BMPER: variants seen among roughly 807,000 people sequenced by gnomAD.
BMPER encodes BMP-binding endothelial regulator protein.
Under a neutral mutation model 87.3 loss-of-function variants are expected in BMPER, and 45 were observed. The observed-to-expected ratio is 0.52, with a 90% CI of 0.41 to 0.66. The LOEUF (loss-of-function observed/expected upper bound fraction) is 0.66, where lower values mean the gene tolerates loss of function less well. Among genes scored for constraint, BMPER ranks in the 30% least tolerant of loss-of-function variants. The pLI is 0.00. For missense variants in BMPER, 784 were observed against 867.5 expected, an observed-to-expected ratio of 0.90 and a Z score of 1.21; for synonymous variants, 326 against 316.2, an observed-to-expected ratio of 1.03 and a Z score of -0.33.
chr7:33,925,745 G>A (rs1784342336), intron 2 of BMPER, among the ~76,000 whole-genome samples: 1 of 152,112 alleles, frequency 6.6e-6, no homozygotes. Context: ...GCCAAGTGAG[G>A]TTGCTACACT....
At chr7:34,113,409 C>T (rs1170461464) in intron 13 of BMPER, among the ~76,000 whole-genome samples, 1 of 151,944 alleles carries the variant, frequency 6.6e-6, no homozygotes, top group Non-Finnish European at 1.5e-5. Context: ...ATGGGGCTGA[C>T]TTGCCCCTAG....
intron 6 of BMPER, among the ~76,000 whole-genome samples, chr7:33,999,104 CACCATT>C (rs1484664426): frequency 1.3e-5 from 2 of 152,268 alleles, no homozygotes; most frequent in African/African-American, 2.4e-5. Flanking sequence ...GGGTGCTTCG[CACCATT>C]CTCTTACATG....
chr7:33,947,706 G>A (rs1430572736), intron 3 of BMPER, among the ~76,000 whole-genome samples: 1 of 152,162 alleles, frequency 6.6e-6, no homozygotes, highest in Non-Finnish European at 1.5e-5. Context: ...CATGTCTGTA[G>A]ACCAATTACT....
At chr7:33,964,348 GT>G (rs1229065100) in intron 3 of BMPER, among the ~76,000 whole-genome samples, 1 of 152,126 alleles carries the variant, frequency 6.6e-6, no homozygotes, top group Non-Finnish European at 1.5e-5. Context: ...ATGTTTTGGA[GT>G]CTATTTAGTC....
intron 11 of BMPER, among the ~76,000 whole-genome samples, chr7:34,066,384 T>C (rs540906656): frequency 1.3e-5 from 2 of 152,348 alleles, no homozygotes; most frequent in Admixed American, 1.3e-4. Context: ...TGCTGTCTTT[T>C]CATAACATGG....
intron 13 of BMPER, among the ~76,000 whole-genome samples, chr7:34,140,774 A>G (rs1346466203): frequency 6.6e-6 from 1 of 152,244 alleles, no homozygotes; most frequent in African/African-American, 2.4e-5. Context: ...AACAAATTAC[A>G]TTTTATTTGT....
intron 9 of BMPER, among the ~76,000 whole-genome samples, chr7:34,057,316 A>G (rs1788312159): frequency 6.6e-6 from 1 of 152,168 alleles, no homozygotes; most frequent in Non-Finnish European, 1.5e-5. Flanking sequence ...TTTTTGTGGT[A>G]TTTGGCATTC....
rs148107757 is a variant in BMPER at position 34,153,110 on chromosome 7, G to C, written c.1895G>C (p.Gly632Ala). The C allele has an allele frequency of 6.2e-6, 10 of 1,613,890 alleles. No homozygotes were observed. The highest frequency in any genetic ancestry group is 8.5e-6 in the Non-Finnish European group (10 of 1,179,930). The change falls in exon 15 of 15, where the codon GGT becomes GCT. Residue 632 changes from glycine to alanine, a missense_variant. Gly to Ala is a moderately conservative substitution (Grantham distance 60). Coordinates refer to ENST00000649409, the MANE Select transcript of BMPER (RefSeq NM_001365308.1). ...TTTTCAGCCACCCAGTGTAAGCATG[G>C]TGCTGTGTACGATACCTGTGGTCCG... ...QNCAATQCKH[G>A]AVYDTCGPGC... is the part of the protein sequence containing the mutation.
At chr7:33,954,478 T>C (rs1172303892) in intron 3 of BMPER, among the ~76,000 whole-genome samples, 1 of 152,176 alleles carries the variant, frequency 6.6e-6, no homozygotes, top group Non-Finnish European at 1.5e-5. Flanking sequence ...ATGACCACGG[T>C]GGAAGTATTC....
At chr7:34,069,088 A>G (rs1180494610) in intron 11 of BMPER, among the ~76,000 whole-genome samples, 1 of 152,250 alleles carries the variant, frequency 6.6e-6, no homozygotes, top group Admixed American at 6.5e-5. Context: ...ATTCATTATT[A>G]GACATCTGGT....
At chr7:34,131,288 G>A (rs953753512) in intron 13 of BMPER, among the ~76,000 whole-genome samples, 11 of 151,988 alleles carry the variant, frequency 7.2e-5, no homozygotes, top group Non-Finnish European at 1.0e-4. Context: ...GCTATCCCTC[G>A]GCAGCCAAGG....
At position 34,057,684 on chromosome 7, in the gene BMPER, G is replaced by C. The variant is rs143548788; in HGVS notation, c.928-375G>C. Among the ~76,000 whole-genome samples, 646 of 152,284 alleles carry C rather than the reference G, an allele frequency of 4.2e-3. 4 individuals carry two copies. Among genetic ancestry groups the C allele is most frequent in the African/African-American group, 0.014 (598 of 41,562 alleles). ...TAAATATTTTAGTCTTATCAAACGG[G>C]AAAATTAGATTTCTGTCATTGTATC... On this transcript the variant is annotated intron_variant, in intron 9 of 14. Coordinates refer to ENST00000649409, the MANE Select transcript of BMPER (RefSeq NM_001365308.1).
intron 3 of BMPER, among the ~76,000 whole-genome samples, chr7:33,955,276 G>A (rs1351298968): frequency 6.6e-6 from 1 of 152,196 alleles, no homozygotes; most frequent in Non-Finnish European, 1.5e-5. Flanking sequence ...TGCTTCAAAT[G>A]TAACAAAGAA....
chr7:33,904,916 G>A, upstream of BMPER: 1 of 152,684 alleles, frequency 6.5e-6, no homozygotes, highest in Non-Finnish European at 1.5e-5. This position sits in a 1 kb window ranked among gnomAD's most constrained non-coding sequence, Gnocchi z 5.4. Context: ...CGCCCGGACA[G>A]TGGAGACGCG....
chr7:34,037,346 A>G (rs1046115405), intron 6 of BMPER, among the ~76,000 whole-genome samples: 4 of 152,290 alleles, frequency 2.6e-5, no homozygotes, highest in South Asian at 2.1e-4. Flanking sequence ...CACTGTCTCT[A>G]TAGCCAGGCT....
At chr7:34,021,803 C>G (rs1468106747) in intron 6 of BMPER, among the ~76,000 whole-genome samples, 1 of 152,010 alleles carries the variant, frequency 6.6e-6, no homozygotes, top group African/African-American at 2.4e-5. Flanking sequence ...CTCTACTCAT[C>G]ACTTCATACT....
rs937098465 is a variant in BMPER at position 34,010,428 on chromosome 7, G to A, written c.576+35644G>A. On this transcript the variant is annotated intron_variant, in intron 6 of 14. Coordinates refer to ENST00000649409, the MANE Select transcript of BMPER (RefSeq NM_001365308.1). ...CTTGTTGTATGAGATGATATTTAGGGAACATTGCCATTTTCCATTCTTATA... is the reference window on the plus strand; with the variant it reads ...CTTGTTGTATGAGATGATATTTAGGAAACATTGCCATTTTCCATTCTTATA... 2.0e-5 allele frequency among the ~76,000 whole-genome samples: 3 copies of A among 151,968 alleles called. No individual in the cohort carries two copies. The East Asian group carries it at 5.8e-4, about 30-fold the overall frequency.
At chr7:34,110,504 G>T (rs1583449551) in intron 13 of BMPER, among the ~76,000 whole-genome samples, 2 of 152,308 alleles carry the variant, frequency 1.3e-5, no homozygotes, top group Non-Finnish European at 2.9e-5. Context: ...ACAACAGCTG[G>T]CCTGCTGGTC....
At chr7:34,152,424 A>G (rs1791201093) in intron 14 of BMPER, among the ~76,000 whole-genome samples, 1 of 152,256 alleles carries the variant, frequency 6.6e-6, no homozygotes, top group Middle Eastern at 3.4e-3. Context: ...GATCTCTCAT[A>G]ATTTTGTGAA....
Sources: gnomAD v4.1 joint callset for allele counts (sites outside exome capture counted in the v4.1 genomes callset) on GRCh38, gnomAD v4.1.1 for gene constraint, Gnocchi (gnomAD v3.1) non-coding constraint, MANE v1.5 for transcripts, NCBI Gene and HGNC (gene_info 2026-07-23, HGNC 2026-07-21) for gene names.